Variants in SLC38A6 observed in about 807,000 individuals in gnomAD.
The protein encoded by SLC38A6 is N system amino acid transporter NAT-1.
SLC38A6 carries 73 observed loss-of-function variants against 65.0 expected under a neutral mutation model. The observed-to-expected ratio is 1.12, with a 90% CI of 0.93 to 1.37. The LOEUF (loss-of-function observed/expected upper bound fraction) is 1.37, where lower values mean the gene tolerates loss of function less well. Among genes scored for constraint, SLC38A6 ranks in the 40% most tolerant of loss-of-function variants. The pLI is 0.00. For synonymous variants in SLC38A6, 183 were observed against 178.8 expected, an observed-to-expected ratio of 1.02 and a Z score of -0.19; for missense variants, 561 against 531.1, an observed-to-expected ratio of 1.06 and a Z score of -0.55.
intron 2 of SLC38A6, among the ~76,000 whole-genome samples, chr14:60,983,729 T>C (rs1001590477): frequency 6.6e-6 from 1 of 152,230 alleles, no homozygotes; most frequent in Non-Finnish European, 1.5e-5. Context: ...CAAACTTTCA[T>C]TATTTTTAAA....
At chr14:61,016,276 T>C (rs2040003152) in intron 4 of SLC38A6, among the ~76,000 whole-genome samples, 1 of 152,204 alleles carries the variant, frequency 6.6e-6, no homozygotes, top group African/African-American at 2.4e-5. Flanking sequence ...TATGTACTCA[T>C]ATGAGTAAAC....
intron 4 of SLC38A6, among the ~76,000 whole-genome samples, chr14:61,016,842 T>C (rs1264100951): frequency 1.3e-5 from 2 of 152,224 alleles, no homozygotes; most frequent in Admixed American, 1.3e-4. Context: ...TATGTAAACA[T>C]TGTAGAATGG....
chr14:61,009,530 C>G (rs935409921), intron 3 of SLC38A6, among the ~76,000 whole-genome samples: 15 of 151,672 alleles, frequency 9.9e-5, no homozygotes, highest in East Asian at 1.9e-4. Context: ...AATGCTATCC[C>G]TCCCCCTCCC....
intron 3 of SLC38A6, among the ~76,000 whole-genome samples, chr14:61,010,939 T>A (rs2039513964): frequency 6.6e-6 from 1 of 152,196 alleles, no homozygotes; most frequent in South Asian, 2.1e-4. Flanking sequence ...GGTAGCTCGT[T>A]GGGGATGGCA....
intron 12 of SLC38A6, among the ~76,000 whole-genome samples, chr14:61,047,659 C>G (rs1205747538): frequency 6.6e-6 from 1 of 152,038 alleles, no homozygotes; most frequent in African/African-American, 2.4e-5. Flanking sequence ...AGGCATCTAT[C>G]TATGTATGTA....
At chr14:61,076,523 G>A (rs1184150882) in intron 15 of SLC38A6, among the ~76,000 whole-genome samples, 1 of 152,140 alleles carries the variant, frequency 6.6e-6, no homozygotes, top group African/African-American at 2.4e-5. Flanking sequence ...TCCTTAAGAT[G>A]CCATCCTAAG....
At chr14:61,003,396 T>C (rs898533593) in intron 3 of SLC38A6, among the ~76,000 whole-genome samples, 1 of 152,148 alleles carries the variant, frequency 6.6e-6, no homozygotes, top group Non-Finnish European at 1.5e-5. Context: ...ACTTTCTCAT[T>C]GTTGAGCATT....
chr14:60,995,953 G>T (rs570643026), intron 3 of SLC38A6, among the ~76,000 whole-genome samples: 1 of 152,258 alleles, frequency 6.6e-6, no homozygotes, highest in South Asian at 2.1e-4. Flanking sequence ...AAGTGGACAC[G>T]TGTCATTATA....
At chr14:61,041,017 C>T (rs970229271) in intron 8 of SLC38A6, among the ~76,000 whole-genome samples, 11 of 152,044 alleles carry the variant, frequency 7.2e-5, no homozygotes, top group African/African-American at 1.2e-4. Flanking sequence ...AGAGAAGGCT[C>T]ACTGAGAGCT....
chr14:61,047,320 A>G (rs1437466563), intron 12 of SLC38A6, among the ~76,000 whole-genome samples: 1 of 152,140 alleles, frequency 6.6e-6, no homozygotes, highest in Non-Finnish European at 1.5e-5. Context: ...TATTAGATTG[A>G]AAGGGATGTG....
At chr14:61,071,258 T>A (rs985296505) in intron 15 of SLC38A6, among the ~76,000 whole-genome samples, 7 of 152,338 alleles carry the variant, frequency 4.6e-5, no homozygotes, top group Admixed American at 4.6e-4. Context: ...GTTATCTTTG[T>A]ATACATATGT....
rs764091071 is a variant in SLC38A6, at chr14:60,982,606, T to C, written c.204T>C (p.Tyr68=). ...IMGSGILGLA[Y]VLANTGVFGF... ...GAAGTGGCATCCTTGGCTTAGCTTA[T>C]GTTTTGGCTAATACCGGTGTCTTTG... Residue 68 remains tyrosine, a synonymous_variant, in exon 2 of 16, where the codon TAT becomes TAC. Coordinates refer to ENST00000267488, the MANE Select transcript of SLC38A6 (RefSeq NM_153811.3). 1.9e-6 allele frequency: 3 copies of C among 1,613,930 alleles called. No homozygotes were observed. Among genetic ancestry groups the C allele is most frequent in the Admixed American group, 3.3e-5 (2 of 59,996 alleles).
intron 10 of SLC38A6, 22 bp from the exon 11 acceptor site, chr14:61,045,324 G>T: frequency 6.5e-7 from 1 of 1,539,342 alleles, no homozygotes; most frequent in South Asian, 1.1e-5. Flanking sequence ...TAATAATTTT[G>T]TCTCTTTAAA....
chr14:61,031,024 A>T (rs951389109), intron 6 of SLC38A6: 3 of 152,176 alleles, frequency 2.0e-5, no homozygotes, highest in African/African-American at 7.2e-5. Context: ...GCAAAAAAAT[A>T]AATTATTTGC....
At chr14:61,071,190 A>G (rs553646351) in intron 15 of SLC38A6, among the ~76,000 whole-genome samples, 8 of 152,328 alleles carry the variant, frequency 5.3e-5, no homozygotes, top group Admixed American at 2.6e-4. Context: ...TTTCCTATCA[A>G]TGCATATTGA....
intron 3 of SLC38A6, among the ~76,000 whole-genome samples, chr14:60,991,958 C>T (rs1027933460): frequency 6.6e-6 from 1 of 151,956 alleles, no homozygotes; most frequent in African/African-American, 2.4e-5. Flanking sequence ...TTAATATGCC[C>T]GATGGCCATA....
chr14:61,068,521 A>G (rs2043107909), intron 15 of SLC38A6, among the ~76,000 whole-genome samples: 1 of 151,972 alleles, frequency 6.6e-6, no homozygotes, highest in African/African-American at 2.4e-5. Flanking sequence ...GTTCCCTCAC[A>G]CTTACTGTTT....
chr14:61,038,642 A>T (rs1047043229), intron 8 of SLC38A6, among the ~76,000 whole-genome samples: 1 of 152,206 alleles, frequency 6.6e-6, no homozygotes, highest in African/African-American at 2.4e-5. Context: ...CCTAGGGTGC[A>T]TTTAACTTAG....
At chr14:60,992,664 C>T (rs1275862534) in intron 3 of SLC38A6, among the ~76,000 whole-genome samples, 1 of 151,796 alleles carries the variant, frequency 6.6e-6, no homozygotes, top group Non-Finnish European at 1.5e-5. Flanking sequence ...GTTGCTCCCT[C>T]TGTTATATTT....
Sources: gnomAD v4.1 joint callset for allele counts (sites outside exome capture counted in the v4.1 genomes callset) on GRCh38, gnomAD v4.1.1 for gene constraint, MANE v1.5 for transcripts, NCBI Gene and HGNC (gene_info 2026-07-23, HGNC 2026-07-21) for gene names.